Variants in CNTLN observed in about 807,000 individuals in gnomAD.
CNTLN encodes the protein centlein.
In CNTLN, 212 loss-of-function variants were observed where a neutral mutation model predicts 180.0. That is an observed-to-expected ratio of 1.18 (90% CI 1.05 to 1.32). The LOEUF (loss-of-function observed/expected upper bound fraction) is 1.32, where lower values mean the gene tolerates loss of function less well. CNTLN is among the 40% of genes most tolerant of loss of function. CNTLN has a pLI of 0.00. For missense variants in CNTLN, 2,095 were observed against 1,610.9 expected, an observed-to-expected ratio of 1.30 and a Z score of -5.14; for synonymous variants, 722 against 563.1, an observed-to-expected ratio of 1.28 and a Z score of -3.99.
At chr9:17,281,866 CTG>C (rs1828685851) in intron 6 of CNTLN, among the ~76,000 whole-genome samples, 1 of 152,246 alleles carries the variant, frequency 6.6e-6, no homozygotes, top group African/African-American at 2.4e-5. Context: ...AATCGCCACA[CTG>C]TCTTCCACAA....
At chr9:17,244,215 TTTG>T (rs150566437) in intron 5 of CNTLN, among the ~76,000 whole-genome samples, 26,870 of 138,066 alleles carry the variant, frequency 0.19, 2,365 homozygotes, top group Middle Eastern at 0.26. Context: ...GGTTTTTGTT[TTTG>T]TTTTTTTTTT....
chr9:17,150,368 T>C (rs1474142412), intron 2 of CNTLN, among the ~76,000 whole-genome samples: 1 of 152,246 alleles, frequency 6.6e-6, no homozygotes, highest in Non-Finnish European at 1.5e-5. Flanking sequence ...TGTCTGCATA[T>C]GGCTAGCCAG....
At chr9:17,270,461 T>C (rs1018261622) in intron 5 of CNTLN, among the ~76,000 whole-genome samples, 2 of 152,302 alleles carry the variant, frequency 1.3e-5, no homozygotes, top group Admixed American at 1.3e-4. Context: ...TGGAACCAAA[T>C]CATCTCAATA....
intron 16 of CNTLN, among the ~76,000 whole-genome samples, chr9:17,411,820 C>T (rs1462906060): frequency 6.6e-6 from 1 of 152,082 alleles, no homozygotes; most frequent in South Asian, 2.1e-4. Context: ...CAAAAATTTT[C>T]TTCCACAAAA....
intron 6 of CNTLN, among the ~76,000 whole-genome samples, chr9:17,295,604 C>T (rs1817837758): frequency 6.6e-6 from 1 of 152,092 alleles, no homozygotes; most frequent in Non-Finnish European, 1.5e-5. Flanking sequence ...TGGGGGGCCT[C>T]CGACCACAGC....
chr9:17,441,815 G>T (rs997956011), intron 18 of CNTLN, among the ~76,000 whole-genome samples: 1 of 152,090 alleles, frequency 6.6e-6, no homozygotes, highest in East Asian at 1.9e-4. Context: ...ACTCACTTTA[G>T]TTTTAACGAC....
intron 2 of CNTLN, among the ~76,000 whole-genome samples, chr9:17,204,164 G>T (rs1321708959): frequency 6.6e-6 from 1 of 152,160 alleles, no homozygotes; most frequent in Non-Finnish European, 1.5e-5. Context: ...ATTTCTGTCA[G>T]TTTGTCAATC....
At chr9:17,506,825 A>G (rs1022717), downstream of CNTLN, among the ~76,000 whole-genome samples, 46,528 of 151,946 alleles carry the variant, frequency 0.31, 8,559 homozygotes, top group East Asian at 0.51. Flanking sequence ...AAGAGTTGCT[A>G]TTTTTTTCCT....
intron 12 of CNTLN, among the ~76,000 whole-genome samples, chr9:17,357,305 A>G (rs1378002326): frequency 6.6e-6 from 1 of 151,600 alleles, no homozygotes; most frequent in Admixed American, 6.6e-5. Flanking sequence ...TTTTAGTTGT[A>G]TTCTAATTTG....
intron 15 of CNTLN, among the ~76,000 whole-genome samples, chr9:17,406,872 C>G (rs770787596): frequency 1.5e-4 from 22 of 151,668 alleles, no homozygotes; most frequent in African/African-American, 5.1e-4. Flanking sequence ...GCCCACCCCC[C>G]ACCAAGGGCT....
chr9:17,451,466 T>C (rs1830771640), intron 18 of CNTLN, among the ~76,000 whole-genome samples: 1 of 152,220 alleles, frequency 6.6e-6, no homozygotes, highest in South Asian at 2.1e-4. Flanking sequence ...GGAGAAGTTA[T>C]TGGAAACAGA....
At chr9:17,226,468 C>A (rs1254179011) in intron 3 of CNTLN, among the ~76,000 whole-genome samples, 181 bp downstream of exon 3, 3 of 151,456 alleles carry the variant, frequency 2.0e-5, no homozygotes, top group Non-Finnish European at 4.4e-5. Flanking sequence ...TCTCTTGTAC[C>A]CTTTTGTTTT....
intron 2 of CNTLN, among the ~76,000 whole-genome samples, chr9:17,180,382 AC>A (rs1362324499): frequency 3.5e-5 from 5 of 142,676 alleles, no homozygotes; most frequent in African/African-American, 1.3e-4. Context: ...TATTATATAT[AC>A]ATAACTTAGC....
At chr9:17,513,111 C>T in the CNTLN span, among the ~76,000 whole-genome samples, 1 of 152,004 alleles carries the variant, frequency 6.6e-6, no homozygotes, top group Non-Finnish European at 1.5e-5. Context: ...CGGTGCCCGG[C>T]CTAGTCTATC....
At chr9:17,289,148 A>G (rs199601608) in intron 6 of CNTLN, among the ~76,000 whole-genome samples, 18,213 of 97,090 alleles carry the variant, frequency 0.19, 2,619 homozygotes, top group South Asian at 0.3. Flanking sequence ...GGCTGGTACC[A>G]GTTGTTCCTT....
chr9:17,265,601 T>G (rs1373860271), intron 5 of CNTLN, among the ~76,000 whole-genome samples: 2 of 152,198 alleles, frequency 1.3e-5, no homozygotes, highest in African/African-American at 4.8e-5. Context: ...TGGAATAGTT[T>G]CAGATGGAGT....
At chr9:17,313,315 G>C (rs937288385) in intron 8 of CNTLN, among the ~76,000 whole-genome samples, 8 of 152,024 alleles carry the variant, frequency 5.3e-5, no homozygotes, top group African/African-American at 1.9e-4. Context: ...ATTATAATAT[G>C]ATTGGGTTTA....
chr9:17,217,430 A>G (rs1159387017), intron 2 of CNTLN, among the ~76,000 whole-genome samples: 1 of 152,262 alleles, frequency 6.6e-6, no homozygotes, highest in Non-Finnish European at 1.5e-5. Flanking sequence ...ATTGTAGTCA[A>G]GCCTGAGTGA....
intron 19 of CNTLN, among the ~76,000 whole-genome samples, chr9:17,461,466 T>C (rs1290682038): frequency 6.6e-6 from 1 of 151,680 alleles, no homozygotes; most frequent in African/African-American, 2.4e-5. Context: ...AGAGTTACCA[T>C]GTTGAGGTAG....
Sources: allele counts gnomAD v4.1 joint callset (sites outside exome capture counted in the v4.1 genomes callset), GRCh38; gene constraint gnomAD v4.1.1; transcripts MANE v1.5; gene names NCBI Gene and HGNC (gene_info 2026-07-23, HGNC 2026-07-21).